The following AP3M1 variants were observed in gnomAD, a reference collection of about 807,000 sequenced individuals.
The protein encoded by AP3M1 is adaptor related protein complex 3 subunit mu 1.
Under a neutral mutation model 42.6 loss-of-function variants are expected in AP3M1, and 29 were observed. The observed-to-expected ratio is 0.68, with a 90% CI of 0.51 to 0.93. The LOEUF (loss-of-function observed/expected upper bound fraction) is 0.93, where lower values mean the gene tolerates loss of function less well. AP3M1 is among the 40% of genes least tolerant of loss of function. The pLI, the probability that AP3M1 is intolerant of heterozygous loss-of-function variation, is 0.00. For synonymous variants in AP3M1, 178 were observed against 175.3 expected (o/e 1.02, Z -0.12); for missense variants, 416 against 510.2 (o/e 0.82, Z 1.78).
intron 8 of AP3M1, 27 bp from the exon 9 acceptor site, chr10:74,123,937 A>C: frequency 1.3e-6 from 2 of 1,577,466 alleles, no homozygotes; most frequent in Non-Finnish European, 1.7e-6. Flanking sequence ...GAAAAAGAAT[A>C]AATTATCATC....
intron 4 of AP3M1, among the ~76,000 whole-genome samples, chr10:74,133,246 T>G (rs1840834528): frequency 6.6e-6 from 1 of 151,758 alleles, no homozygotes; most frequent in Admixed American, 6.6e-5. Flanking sequence ...AACACAAAAT[T>G]AGCTGGGCAT....
chr10:74,139,275 G>A (rs1351470869), intron 1 of AP3M1, among the ~76,000 whole-genome samples: 1 of 151,822 alleles, frequency 6.6e-6, no homozygotes, highest in Non-Finnish European at 1.5e-5. Context: ...CAGGACACAA[G>A]TCAATATAAA....
rs1276354233 is a variant in AP3M1 at position 74,123,917 on chromosome 10, CAAAAAGAATG to C, written c.1157-17_1157-8del. ...AAACGGTTTACTTTTAAGCCTGTAT[CAAAAAGAATG>C]AAAAAGAATAAATTATCATCATCCC... is the stretch of plus-strand genomic sequence containing the variant. On this transcript the variant is annotated splice_polypyrimidine_tract_variant and splice_region_variant and intron_variant, in intron 8 of 8. Transcript: ENST00000355264. The C allele has an allele frequency of 6.2e-7, 1 of 1,606,474 alleles. No individual in the cohort carries two copies. The highest frequency in any genetic ancestry group is 8.5e-7 in the Non-Finnish European group (1 of 1,173,576).
intron 3 of AP3M1, among the ~76,000 whole-genome samples, chr10:74,134,818 CA>C (rs1023707368): frequency 6.6e-6 from 1 of 152,094 alleles, no homozygotes; most frequent in Admixed American, 6.5e-5. Context: ...TTAACAACAA[CA>C]AAAAGGTAGA....
At chr10:74,136,906 G>T in intron 2 of AP3M1, 103 bp from the exon 3 acceptor site, 1 of 722,868 alleles carries the variant, frequency 1.4e-6, no homozygotes, top group Admixed American at 3.6e-5. Context: ...ATAATTCATT[G>T]CTTAAGCTGC....
intron 1 of AP3M1, among the ~76,000 whole-genome samples, chr10:74,146,167 G>A (rs938521612): frequency 6.6e-6 from 1 of 152,128 alleles, no homozygotes; most frequent in Non-Finnish European, 1.5e-5. Flanking sequence ...AGGTGAGAGA[G>A]AACACAAGAC....
At chr10:74,142,701 C>T (rs749382213) in intron 1 of AP3M1, among the ~76,000 whole-genome samples, 45 of 152,134 alleles carry the variant, frequency 3.0e-4, no homozygotes, top group South Asian at 6.2e-4. Context: ...TAGTCAGATG[C>T]TTTGCTTAGT....
chr10:74,144,399 G>A (rs1564555648), intron 1 of AP3M1, among the ~76,000 whole-genome samples: 1 of 151,870 alleles, frequency 6.6e-6, no homozygotes, highest in Non-Finnish European at 1.5e-5. Flanking sequence ...TGAGTAGCTG[G>A]GCTTACAGGC....
Position 74,126,201 on chromosome 10 carries a change from T to A in AP3M1, c.958A>T (p.Asn320Tyr). 1 of 1,614,242 alleles carries A rather than the reference T, an allele frequency of 6.2e-7. No homozygotes were observed. Among genetic ancestry groups the A allele is most frequent in the Non-Finnish European group, 8.5e-7 (1 of 1,180,038 alleles). Reference protein sequence around the residue: ...VTVHMPKVVLNMNLTPTQGSY... With the variant: ...VTVHMPKVVLYMNLTPTQGSY... ...CCTTGTGTGGGTGTCAGGTTCATGT[T>A]CAGCACAACTTTTGGCATGTGAACT... is the stretch of plus-strand genomic sequence containing the variant. Residue 320 changes from asparagine (N) to tyrosine (Y), a missense_variant, in exon 7 of 9, where the codon AAC becomes TAC. Asn to Tyr is a moderately radical substitution (Grantham distance 143). Transcript: ENST00000355264.
intron 1 of AP3M1, among the ~76,000 whole-genome samples, chr10:74,144,607 A>C (rs1841272354): frequency 6.6e-6 from 1 of 151,796 alleles, no homozygotes; most frequent in Non-Finnish European, 1.5e-5. Flanking sequence ...TTAAATAACC[A>C]TATATGGTTA....
intron 4 of AP3M1, among the ~76,000 whole-genome samples, chr10:74,132,712 T>TAA (rs11388304): frequency 2.3e-4 from 33 of 144,810 alleles, no homozygotes; most frequent in Middle Eastern, 3.5e-3. Flanking sequence ...ACCCTGTACT[T>TAA]AAAAAAAAAA....
chr10:74,126,167 G>A lies in AP3M1; in HGVS notation c.992C>T (p.Thr331Ile). 6.2e-7 allele frequency: 1 copy of A among 1,614,222 alleles called. No homozygotes were observed. Among genetic ancestry groups the A allele is most frequent in the Non-Finnish European group, 8.5e-7 (1 of 1,180,032 alleles). ...CTGTACCTTGGTGACTGGATCAAAT[G>A]TATAGCTGCCTTGTGTGGGTGTCAG... is the stretch of plus-strand genomic sequence containing the variant. ...MNLTPTQGSY[T>I]FDPVTKVLTW... Residue 331 changes from threonine (T) to isoleucine (I), a missense_variant, in exon 7 of 9, where the codon ACA becomes ATA. Transcript: ENST00000355264.
At chr10:74,132,653 A>C (rs1400970685) in intron 4 of AP3M1, among the ~76,000 whole-genome samples, 5 of 152,072 alleles carry the variant, frequency 3.3e-5, no homozygotes, top group African/African-American at 1.2e-4. Context: ...TCAAGGCTAC[A>C]GTAAGCAGGG....
At chr10:74,137,146 G>A (rs1442967678) in intron 2 of AP3M1, among the ~76,000 whole-genome samples, 2 of 152,136 alleles carry the variant, frequency 1.3e-5, no homozygotes, top group Non-Finnish European at 2.9e-5. Flanking sequence ...AGGCTGAGGC[G>A]GGAGGATTGC....
At chr10:74,138,867 C>A (rs910604000) in intron 1 of AP3M1, 1 of 145,628 alleles carries the variant, frequency 6.9e-6, no homozygotes, top group Non-Finnish European at 1.5e-5. Flanking sequence ...GGAGGAAGAT[C>A]GACGCTGTAG....
intron 1 of AP3M1, among the ~76,000 whole-genome samples, chr10:74,145,624 A>T (rs1841304829): frequency 6.6e-6 from 1 of 152,198 alleles, no homozygotes; most frequent in South Asian, 2.1e-4. Context: ...CTACACACTC[A>T]TTATTACCAC....
At chr10:74,143,324 A>T (rs1485164716) in intron 1 of AP3M1, among the ~76,000 whole-genome samples, 1 of 152,176 alleles carries the variant, frequency 6.6e-6, no homozygotes, top group African/African-American at 2.4e-5. Context: ...ATCTCTGCTG[A>T]CTGCAACCTC....
chr10:74,125,784 G>T (rs1840595304), intron 7 of AP3M1, among the ~76,000 whole-genome samples: 1 of 152,278 alleles, frequency 6.6e-6, no homozygotes, highest in Non-Finnish European at 1.5e-5. Flanking sequence ...AATTTATATA[G>T]AAAACTTAGT....
At chr10:74,125,919 C>G (rs781511020) in intron 7 of AP3M1, among the ~76,000 whole-genome samples, 7 of 152,148 alleles carry the variant, frequency 4.6e-5, no homozygotes, top group Non-Finnish European at 7.3e-5. Context: ...TGAGTGAAGG[C>G]ACACTCTGAA....
Sources: allele counts gnomAD v4.1 joint callset (sites outside exome capture counted in the v4.1 genomes callset), GRCh38; gene constraint gnomAD v4.1.1; transcripts MANE v1.5; gene names NCBI Gene and HGNC (gene_info 2026-07-23, HGNC 2026-07-21).